The following NRG3 variants were observed in gnomAD, a reference collection of about 807,000 sequenced individuals.
The protein encoded by NRG3 is pro-neuregulin-3, membrane-bound isoform.
NRG3 carries 31 observed loss-of-function variants against 66.9 expected under a neutral mutation model. That is an observed-to-expected ratio of 0.46 (90% CI 0.35 to 0.63). The LOEUF is 0.63. Ranked by LOEUF, NRG3 falls within the 20% of genes least tolerant of loss-of-function variation. The probability of loss-of-function intolerance (pLI) is 0.00; values close to 1 mark genes in which losing one functional copy is unlikely to be tolerated. For missense variants in NRG3, 910 were observed against 878.9 expected (o/e 1.04, Z -0.45); for synonymous variants, 393 against 359.4 (o/e 1.09, Z -1.06).
At chr10:82,281,424 G>T (rs1315344904) in intron 1 of NRG3, among the ~76,000 whole-genome samples, 3 of 152,112 alleles carry the variant, frequency 2.0e-5, no homozygotes, top group Admixed American at 1.3e-4. Flanking sequence ...AAGACCTGGG[G>T]TACTAGATAA....
chr10:82,751,987 G>T (rs756588960), intron 3 of NRG3, among the ~76,000 whole-genome samples: 1 of 152,084 alleles, frequency 6.6e-6, no homozygotes, highest in Non-Finnish European at 1.5e-5. Flanking sequence ...CATCTCAAGT[G>T]CCTTTCATGC....
intron 2 of NRG3, among the ~76,000 whole-genome samples, chr10:82,731,135 G>C (rs1372079888): frequency 3.3e-5 from 5 of 152,102 alleles, no homozygotes; most frequent in Non-Finnish European, 5.9e-5. Flanking sequence ...GGGAGGCTGA[G>C]GCAGGCGGAT....
intron 3 of NRG3, among the ~76,000 whole-genome samples, chr10:82,763,435 A>C (rs2059401093): frequency 6.6e-6 from 1 of 152,200 alleles, no homozygotes; most frequent in African/African-American, 2.4e-5. Context: ...AAATATCAAA[A>C]TAGCAATAGA....
At chr10:82,472,847 C>T (rs956208728) in intron 2 of NRG3, among the ~76,000 whole-genome samples, 1 of 152,088 alleles carries the variant, frequency 6.6e-6, no homozygotes, top group African/African-American at 2.4e-5. Flanking sequence ...TTGAAAACAC[C>T]AGGGCTGCTT....
chr10:82,468,309 A>G (rs1430222548), intron 2 of NRG3, among the ~76,000 whole-genome samples: 1 of 151,784 alleles, frequency 6.6e-6, no homozygotes, highest in African/African-American at 2.4e-5. Context: ...CAGGAGGTTT[A>G]ATAACTATGA....
At chr10:82,314,240 C>A (rs1405045671) in intron 1 of NRG3, among the ~76,000 whole-genome samples, 1 of 152,174 alleles carries the variant, frequency 6.6e-6, no homozygotes, top group Non-Finnish European at 1.5e-5. Flanking sequence ...CTTTAATCCA[C>A]ATGAGTTGAT....
At chr10:82,843,557 CA>C (rs1270754281) in intron 3 of NRG3, among the ~76,000 whole-genome samples, 1 of 152,098 alleles carries the variant, frequency 6.6e-6, no homozygotes, top group Non-Finnish European at 1.5e-5. Flanking sequence ...ATAATAAATA[CA>C]AGGAATTCTG....
intron 1 of NRG3, among the ~76,000 whole-genome samples, chr10:82,180,465 T>G (rs977970443): frequency 6.6e-6 from 1 of 151,902 alleles, no homozygotes; most frequent in African/African-American, 2.4e-5. Context: ...CATTAAATTT[T>G]TTCAAATTCT....
chr10:82,082,816 A>G (rs1377332070), intron 1 of NRG3, among the ~76,000 whole-genome samples: 2 of 152,190 alleles, frequency 1.3e-5, no homozygotes, highest in African/African-American at 4.8e-5. Flanking sequence ...CTTCAAATAT[A>G]TTATTCTGTT....
chr10:82,647,463 A>G (rs1484179628), intron 2 of NRG3, among the ~76,000 whole-genome samples: 2 of 152,232 alleles, frequency 1.3e-5, no homozygotes, highest in Non-Finnish European at 2.9e-5. Flanking sequence ...TGCAATAAAC[A>G]TACGTGTGCA....
At chr10:81,946,784 G>T (rs1479469783) in intron 1 of NRG3, among the ~76,000 whole-genome samples, 2 of 152,182 alleles carry the variant, frequency 1.3e-5, no homozygotes, top group Admixed American at 1.3e-4. Flanking sequence ...CTCATGCTCC[G>T]AACAGACTTC....
intron 4 of NRG3, among the ~76,000 whole-genome samples, chr10:82,938,094 C>A (rs560503927): frequency 9.9e-5 from 15 of 152,236 alleles, no homozygotes; most frequent in African/African-American, 3.1e-4. Context: ...AAGCGAATTT[C>A]TCCCTTGATT....
At chr10:82,845,491 A>G (rs1275145651) in intron 3 of NRG3, among the ~76,000 whole-genome samples, 1 of 152,204 alleles carries the variant, frequency 6.6e-6, no homozygotes, top group African/African-American at 2.4e-5. Context: ...ATGTGTGCTT[A>G]TACGTGTAAG....
chr10:82,543,184 G>T (rs533366751), intron 2 of NRG3, among the ~76,000 whole-genome samples: 16 of 152,152 alleles, frequency 1.1e-4, no homozygotes, highest in African/African-American at 2.9e-4. Context: ...GAGCCACCGT[G>T]CCCAGCCTAG....
chr10:82,693,395 C>G (rs898595199), intron 2 of NRG3, among the ~76,000 whole-genome samples: 3 of 152,026 alleles, frequency 2.0e-5, no homozygotes, highest in Admixed American at 6.6e-5. Flanking sequence ...TGCCTGTTTT[C>G]CAACAATACT....
At chr10:82,871,372 T>C (rs1264324180) in intron 4 of NRG3, among the ~76,000 whole-genome samples, 3 of 152,118 alleles carry the variant, frequency 2.0e-5, no homozygotes, top group Admixed American at 6.6e-5. Context: ...CTTTCAACTT[T>C]GTCTTTTAAT....
intron 2 of NRG3, among the ~76,000 whole-genome samples, chr10:82,683,081 C>T (rs920491525): frequency 6.7e-6 from 1 of 150,088 alleles, no homozygotes; most frequent in African/African-American, 2.4e-5. Flanking sequence ...GCCTTAGCCT[C>T]CTGAACAGCT....
chr10:82,251,970 C>T (rs1041703466), intron 1 of NRG3, among the ~76,000 whole-genome samples: 8 of 152,184 alleles, frequency 5.3e-5, no homozygotes, highest in Admixed American at 3.9e-4. Flanking sequence ...CCACACTGCC[C>T]ATCAGGGGCT....
At chr10:82,198,226 G>C (rs1170459535) in intron 1 of NRG3, among the ~76,000 whole-genome samples, 1 of 152,164 alleles carries the variant, frequency 6.6e-6, no homozygotes, top group Non-Finnish European at 1.5e-5. Flanking sequence ...TGGTTTTTCA[G>C]ATTCCAAACG....
Sources: allele counts gnomAD v4.1 joint callset (sites outside exome capture counted in the v4.1 genomes callset), GRCh38; gene constraint gnomAD v4.1.1; transcripts MANE v1.5; gene names NCBI Gene and HGNC (gene_info 2026-07-23, HGNC 2026-07-21).